KIAA2013: variants seen among roughly 807,000 people sequenced by gnomAD.
The protein encoded by KIAA2013 is KIAA2013, also known as uncharacterized protein KIAA2013.
Under a neutral mutation model 39.9 loss-of-function variants are expected in KIAA2013, and 20 were observed. That is an observed-to-expected ratio of 0.50 (90% CI 0.35 to 0.73). KIAA2013 has a LOEUF of 0.73. Among genes scored for constraint, KIAA2013 ranks in the 30% least tolerant of loss-of-function variants. KIAA2013 has a pLI of 0.01. For synonymous variants in KIAA2013, 336 were observed against 416.6 expected (o/e 0.81, Z 2.35); for missense variants, 587 against 856.1 (o/e 0.69, Z 3.92).
In KIAA2013 at chr1:11,923,033, A is replaced by G. The variant is rs1645484309; in HGVS notation, c.1490T>C (p.Val497Ala). 6.2e-7 allele frequency: 1 copy of G among 1,611,238 alleles called. No individual in the cohort carries two copies. The highest frequency in any genetic ancestry group is 8.5e-7 in the Non-Finnish European group (1 of 1,177,626). Residue 497 changes from valine to alanine, a missense_variant, in exon 2 of 3, where the codon GTG becomes GCG. Val to Ala is a moderately conservative substitution (Grantham distance 64). Coordinates refer to ENST00000376572, the MANE Select transcript of KIAA2013 (RefSeq NM_138346.3). This position sits in a 1 kb window ranked among gnomAD's most constrained non-coding sequence, Gnocchi z 4.6. Reference sequence around the variant, plus strand: ...GGGCTTGCCCTCGGCATCCGCCAGCACGGCCAGGTTGATATGGTCGTTCTT... The same window carrying G: ...GGGCTTGCCCTCGGCATCCGCCAGCGCGGCCAGGTTGATATGGTCGTTCTT... ...RYKNDHINLA[V>A]LADAEGKPYL...
intron 1 of KIAA2013, among the ~76,000 whole-genome samples, chr1:11,924,443 T>A (rs1318048611): frequency 6.6e-6 from 1 of 152,036 alleles, no homozygotes; most frequent in Admixed American, 6.5e-5. Flanking sequence ...TTCACTTTTC[T>A]AATGTCTGTC....
chr1:11,920,447 C>G, intron 2 of KIAA2013, 115 bp from the exon 3 acceptor site: 1 of 1,083,490 alleles, frequency 9.2e-7, no homozygotes, highest in Middle Eastern at 2.0e-4. Context: ...TCTGACCCAG[C>G]CTTGCAGAAT....
intron 2 of KIAA2013, 118 bp from the exon 3 acceptor site, chr1:11,920,450 TG>T (rs1432918721): frequency 9.6e-6 from 10 of 1,046,114 alleles, no homozygotes; most frequent in Non-Finnish European, 1.3e-5. Flanking sequence ...GACCCAGCCT[TG>T]CAGAATTACC....
chr1:11,921,898 A>G (rs1334265511), intron 2 of KIAA2013, among the ~76,000 whole-genome samples: 1 of 152,026 alleles, frequency 6.6e-6, no homozygotes, highest in Non-Finnish European at 1.5e-5. Context: ...CCTGGGATGG[A>G]GTGCAATGGT....
rs771080762 is a variant in KIAA2013 at position 11,923,101 on chromosome 1, G to A, written c.1422C>T (p.Pro474=). 1.2e-5 allele frequency: 20 copies of A among 1,609,912 alleles called. No homozygotes were observed. The highest frequency in any genetic ancestry group is 2.2e-5 in the South Asian group (2 of 90,966). The part of the protein sequence containing the change: ...TENHLQFQAD[P]DVLHNSYALH... ...ATGCATAGCTGTTGTGCAGCACGTCGGGGTCGGCCTGGAACTGGAGGTGGT... is the reference window on the plus strand; with the variant it reads ...ATGCATAGCTGTTGTGCAGCACGTCAGGGTCGGCCTGGAACTGGAGGTGGT... The change falls in exon 2 of 3, where the codon CCC becomes CCT. Residue 474 remains proline (P), a synonymous_variant. Coordinates refer to ENST00000376572, the MANE Select transcript of KIAA2013 (RefSeq NM_138346.3). The surrounding 1 kb of genome is among the most constrained non-coding windows in gnomAD (Gnocchi z 4.6).
Position 11,925,259 on chromosome 1 carries a change from C to A in KIAA2013, c.979G>T (p.Ala327Ser). 1.2e-6 allele frequency: 2 copies of A among 1,610,172 alleles called. No individual in the cohort carries two copies. The highest frequency in any genetic ancestry group is 2.2e-5 in the South Asian group (2 of 90,844). Residue 327 changes from alanine (A) to serine (S), a missense_variant, in exon 1 of 3, where the codon GCG becomes TCG. Coordinates refer to ENST00000376572, the MANE Select transcript of KIAA2013 (RefSeq NM_138346.3). This position sits in a 1 kb window ranked among gnomAD's most constrained non-coding sequence, Gnocchi z 5.2. ...KEMLELLDMP[A>S]AELLQDHQLL... ...TGGTGGTCTTGAAGCAGCTCCGCCG[C>A]TGGCATGTCCAAGAGCTCCAGCATT...
chr1:11,926,025 G>A lies in KIAA2013; in HGVS notation c.213C>T (p.Arg71=). Residue 71 remains arginine, a synonymous_variant, in exon 1 of 3, where the codon CGC becomes CGT. Transcript: ENST00000376572. ...CGCGCTCCCGCAGGCCGCGCCAGGCGCGGGTGGCCGCCTCCAGGCAGGCAG... is the reference window on the plus strand; with the variant it reads ...CGCGCTCCCGCAGGCCGCGCCAGGCACGGGTGGCCGCCTCCAGGCAGGCAG... ...EPSACLEAAT[R]AWRGLRERGE... 1.3e-6 allele frequency: 2 copies of A among 1,499,470 alleles called. No individual in the cohort carries two copies. Among genetic ancestry groups the A allele is most frequent in the Non-Finnish European group, 1.8e-6 (2 of 1,131,136 alleles). The allele number at this position is 1,499,470 out of a possible 1,614,324, so 92.9% of individuals were successfully genotyped here.
At position 11,925,843 on chromosome 1, in the gene KIAA2013, C is replaced by T; in HGVS notation, c.395G>A (p.Ser132Asn). The T allele has an allele frequency of 2.0e-6, 3 of 1,533,770 alleles. No homozygotes were observed. Among genetic ancestry groups the T allele is most frequent in the Non-Finnish European group, 2.6e-6 (3 of 1,147,486 alleles). The change falls in exon 1 of 3, where the codon AGC becomes AAC. Residue 132 changes from serine (S) to asparagine (N), a missense_variant. Coordinates refer to ENST00000376572, the MANE Select transcript of KIAA2013 (RefSeq NM_138346.3). The surrounding 1 kb of genome is among the most constrained non-coding windows in gnomAD (Gnocchi z 5.2). ...CGCCTCTCCAGCTTCAGCCAGCGCG[C>T]TCAGCGGGCGCAGCTGCACGAAGGG... ...FVPFVQLRPL[S>N]ALAEAGEAVL... is the part of the protein sequence containing the mutation.
chr1:11,925,932 C>G lies in KIAA2013; in HGVS notation c.306G>C (p.Val102=). 6.5e-7 allele frequency: 1 copy of G among 1,533,370 alleles called. No individual in the cohort carries two copies. 95.0% of individuals were successfully genotyped at this position (1,533,370 alleles called of 1,614,324 possible). ...LVANGFLALD[V]AANRLWVTPG... ...GAGTCACCCACAGCCGATTGGCAGC[C>G]ACGTCCAGGGCCAGGAAGCCGTTGG... The change falls in exon 1 of 3, where the codon GTG becomes GTC. Residue 102 remains valine, a synonymous_variant. Transcript: ENST00000376572. The surrounding 1 kb of genome is among the most constrained non-coding windows in gnomAD (Gnocchi z 5.2).
At chr1:11,922,343 C>G (rs1645479419) in intron 2 of KIAA2013, 1 of 1,422,726 alleles carries the variant, frequency 7.0e-7, no homozygotes, top group Non-Finnish European at 9.1e-7. Context: ...GCACAAGCCA[C>G]CACACCCAGC....
chr1:11,926,028 G>A lies in KIAA2013; in HGVS notation c.210C>T (p.Thr70=), dbSNP rs1340693478. Residue 70 remains threonine (T), a synonymous_variant, in exon 1 of 3, where the codon ACC becomes ACT. Coordinates refer to ENST00000376572, the MANE Select transcript of KIAA2013 (RefSeq NM_138346.3). The stretch of plus-strand genomic sequence containing the variant: ...GCTCCCGCAGGCCGCGCCAGGCGCG[G>A]GTGGCCGCCTCCAGGCAGGCAGACG... ...AEPSACLEAA[T]RAWRGLRERG... is the part of the protein sequence containing the mutation. 6.7e-7 allele frequency: 1 copy of A among 1,499,156 alleles called. No homozygotes were observed. The allele number at this position is 1,499,156 out of a possible 1,614,324, so 92.9% of individuals were successfully genotyped here.
Position 11,923,524 on chromosome 1 carries a change from A to C in KIAA2013, c.1034-35T>G, listed in dbSNP as rs762634404. On this transcript the variant is annotated intron_variant, in intron 1 of 2. Coordinates refer to ENST00000376572, the MANE Select transcript of KIAA2013 (RefSeq NM_138346.3). This position sits in a 1 kb window ranked among gnomAD's most constrained non-coding sequence, Gnocchi z 4.6. ...CATGAAAGCGGCATGTTAAGGGGGA[A>C]GGACAGCTGGGAGGCAGAGCATACG... is the stretch of plus-strand genomic sequence containing the variant. 6 of 1,597,292 alleles carry C rather than the reference A, an allele frequency of 3.8e-6. No homozygotes were observed. In the African/African-American group the frequency reaches 8.0e-5, roughly 21 times the overall value.
rs1294820627 is a variant in KIAA2013 at position 11,925,142 on chromosome 1, T to C, written c.1033+63A>G. On this transcript the variant is annotated intron_variant, in intron 1 of 2. Transcript: ENST00000376572. The surrounding 1 kb of genome is among the most constrained non-coding windows in gnomAD (Gnocchi z 5.2). ...TCAACCACCCCACCATCACCTTCAGTGTCACCTCTGCAGACTTGGGAGGGA... is the reference window on the plus strand; with the variant it reads ...TCAACCACCCCACCATCACCTTCAGCGTCACCTCTGCAGACTTGGGAGGGA... 1.4e-6 allele frequency: 2 copies of C among 1,445,008 alleles called. No homozygotes were observed. Among genetic ancestry groups the C allele is most frequent in the Non-Finnish European group, 1.9e-6 (2 of 1,075,510 alleles). 89.5% of individuals were successfully genotyped at this position (1,445,008 alleles called of 1,614,324 possible). A position where few individuals can be genotyped will look rare whatever the true frequency, so the allele number is the denominator to read the frequency against.
rs1348462119 is a variant in KIAA2013 at position 11,925,490 on chromosome 1, G to T, written c.748C>A (p.Arg250=). The T allele has an allele frequency of 1.1e-5, 18 of 1,607,300 alleles. No homozygotes were observed. The highest frequency in any genetic ancestry group is 1.5e-5 in the Non-Finnish European group (18 of 1,176,988). Residue 250 remains arginine, a synonymous_variant, in exon 1 of 3, where the codon CGG becomes AGG. Transcript: ENST00000376572. This position sits in a 1 kb window ranked among gnomAD's most constrained non-coding sequence, Gnocchi z 5.2. The part of the protein sequence containing the change: ...GDHQFLLYSG[R]SPPTPTGLVH... ...AACCCAGTGGGCGTAGGCGGGGACC[G>T]GCCTGAGTAGAGGAGGAACTGATGG...
Position 11,925,368 on chromosome 1 carries a change from G to A in KIAA2013, c.870C>T (p.His290=). 10 of 1,613,922 alleles carry A rather than the reference G, an allele frequency of 6.2e-6. No individual in the cohort carries two copies. The highest frequency in any genetic ancestry group is 8.5e-6 in the Non-Finnish European group (10 of 1,179,866). The part of the protein sequence containing the change: ...QLDETVLWVV[H]VSGPINPQVL... ...CCTGGGGGTTAATGGGGCCAGAGAC[G>A]TGCACCACCCACAGCACCGTCTCAT... Residue 290 remains histidine, a synonymous_variant, in exon 1 of 3, where the codon CAC becomes CAT. Coordinates refer to ENST00000376572, the MANE Select transcript of KIAA2013 (RefSeq NM_138346.3). The surrounding 1 kb of genome is among the most constrained non-coding windows in gnomAD (Gnocchi z 5.2).
rs1037105161 is a variant in KIAA2013 at position 11,920,253 on chromosome 1, C to T, written c.*62G>A. 18 of 1,586,692 alleles carry T rather than the reference C, an allele frequency of 1.1e-5. No homozygotes were observed. The highest frequency in any genetic ancestry group is 4.5e-5 in the East Asian group (2 of 44,750). On this transcript the variant is annotated 3_prime_UTR_variant, in exon 3 of 3. Coordinates refer to ENST00000376572, the MANE Select transcript of KIAA2013 (RefSeq NM_138346.3). Reference sequence around the variant, plus strand: ...CCAAAGGATCCCTTGCTCCTGGCAGCGGGACTTTCAGTGCTGGGTGTCTTG... The same window carrying T: ...CCAAAGGATCCCTTGCTCCTGGCAGTGGGACTTTCAGTGCTGGGTGTCTTG...
Position 11,926,110 on chromosome 1 carries a change from G to T in KIAA2013, c.128C>A (p.Ala43Glu), listed in dbSNP as rs766194792. ...LWFGGSGARR[A>E]AGGLHLLPWS... ...GGGCAGCAGGTGCAGGCCGCCCGCCGCCCGCCGCGCGCCGGACCCCCCAAA... is the reference window on the plus strand; with the variant it reads ...GGGCAGCAGGTGCAGGCCGCCCGCCTCCCGCCGCGCGCCGGACCCCCCAAA... The change falls in exon 1 of 3, where the codon GCG (alanine) becomes GAG (glutamate). Residue 43 changes from alanine to glutamate, a missense_variant. Transcript: ENST00000376572. The T allele has an allele frequency of 7.1e-7, 1 of 1,405,128 alleles. No homozygotes were observed. Among genetic ancestry groups the T allele is most frequent in the South Asian group, 1.3e-5 (1 of 74,080 alleles). 87.0% of individuals were successfully genotyped at this position (1,405,128 alleles called of 1,614,324 possible).
In KIAA2013 at chr1:11,923,324, C is replaced by T; in HGVS notation, c.1199G>A (p.Cys400Tyr). ...MESTLNYEDHCFSGHATMHAE... is the reference protein window; with the variant it reads ...MESTLNYEDHYFSGHATMHAE... ...GTGCATGGTGGCGTGCCCGCTGAAG[C>T]AGTGATCTTCATAGTTGAGCGTCGA... The change falls in exon 2 of 3, where the codon TGC (cysteine) becomes TAC (tyrosine). Residue 400 changes from cysteine (C) to tyrosine (Y), a missense_variant. Cys to Tyr is a radical substitution (Grantham distance 194, BLOSUM62 -2). Coordinates refer to ENST00000376572, the MANE Select transcript of KIAA2013 (RefSeq NM_138346.3). The surrounding 1 kb of genome is among the most constrained non-coding windows in gnomAD (Gnocchi z 4.6). 3 of 1,613,734 alleles carry T rather than the reference C, an allele frequency of 1.9e-6. No homozygotes were observed. Among genetic ancestry groups the T allele is most frequent in the Non-Finnish European group, 2.5e-6 (3 of 1,179,858 alleles).
At position 11,923,714 on chromosome 1, in the gene KIAA2013, C is replaced by T. The variant is rs1188624102; in HGVS notation, c.1034-225G>A. On this transcript the variant is annotated intron_variant, in intron 1 of 2. Transcript: ENST00000376572. The surrounding 1 kb of genome is among the most constrained non-coding windows in gnomAD (Gnocchi z 4.6). ...AGAATCCTGTTAAAAAGCAGCGGGG[C>T]CTGGTGCCAGAGCCCAGAGGAACAC... Among the ~76,000 whole-genome samples, 1 of 152,130 alleles carries T rather than the reference C, an allele frequency of 6.6e-6. No individual in the cohort carries two copies. Among genetic ancestry groups the T allele is most frequent in the African/African-American group, 2.4e-5 (1 of 41,426 alleles).
Sources: gnomAD v4.1 joint callset for allele counts (sites outside exome capture counted in the v4.1 genomes callset) on GRCh38, gnomAD v4.1.1 for gene constraint, Gnocchi (gnomAD v3.1) non-coding constraint, MANE v1.5 for transcripts, NCBI Gene and HGNC (gene_info 2026-07-23, HGNC 2026-07-21) for gene names.